AAK1: variants seen among roughly 807,000 people sequenced by gnomAD.
AAK1 encodes the protein AP2 associated kinase 1.
A neutral mutation model predicts 116.0 loss-of-function variants in AAK1; 37 were observed. The ratio of observed to expected loss-of-function variants is 0.32; its 90% CI spans 0.25 to 0.42. The LOEUF (loss-of-function observed/expected upper bound fraction) is 0.42. Ranked by LOEUF, AAK1 falls within the 10% of genes least tolerant of loss-of-function variation. The pLI is 1.00. For missense variants in AAK1, 919 were observed against 1,170.6 expected, an observed-to-expected ratio of 0.79 and a Z score of 3.14; for synonymous variants, 458 against 439.9, an observed-to-expected ratio of 1.04 and a Z score of -0.51.
rs947036577 is a variant in AAK1 at position 69,609,297 on chromosome 2, A to T, written c.163+33581T>A. On this transcript the variant is annotated intron_variant, in intron 2 of 21. Transcript: ENST00000409085. The stretch of plus-strand genomic sequence containing the variant: ...AGAATCACCTAAACCCAGGAGGGGG[A>T]GGTTGCAGTGAGCCAAGATTGTGCC... Among the ~76,000 whole-genome samples the T allele has an allele frequency of 3.3e-5, 5 of 152,246 alleles. No homozygotes were observed. The South Asian group carries it at 1.0e-3, about 32-fold the overall frequency.
chr2:69,598,318 T>C (rs1418452690), intron 2 of AAK1: 1 of 353,852 alleles, frequency 2.8e-6, no homozygotes, highest in African/African-American at 2.1e-5. Context: ...CCATATTTTA[T>C]ACCAGAAGTA....
At chr2:69,588,448 G>A (rs1486409761) in intron 2 of AAK1, among the ~76,000 whole-genome samples, 1 of 152,162 alleles carries the variant, frequency 6.6e-6, no homozygotes, top group Non-Finnish European at 1.5e-5. Flanking sequence ...TAAGAAAGAA[G>A]AGTAAACCCA....
At chr2:69,503,953 C>A (rs144988090) in intron 16 of AAK1, among the ~76,000 whole-genome samples, 3 of 149,638 alleles carry the variant, frequency 2.0e-5, no homozygotes, top group Non-Finnish European at 3.0e-5. Flanking sequence ...GAGCCAAGAT[C>A]GCACCATTGC....
intron 2 of AAK1, among the ~76,000 whole-genome samples, chr2:69,601,403 CA>C (rs1175319559): frequency 6.6e-6 from 1 of 152,314 alleles, no homozygotes; most frequent in East Asian, 1.9e-4. Flanking sequence ...GGTGATTCAG[CA>C]CAGAGGCAGT....
At chr2:69,498,454 C>T (rs1365505816) in intron 16 of AAK1, among the ~76,000 whole-genome samples, 4 of 152,144 alleles carry the variant, frequency 2.6e-5, no homozygotes, top group Admixed American at 2.0e-4. Flanking sequence ...GAGTTTCCAC[C>T]CCACCCACCT....
chr2:69,602,845 A>G (rs778837295), intron 2 of AAK1, among the ~76,000 whole-genome samples: 3 of 152,246 alleles, frequency 2.0e-5, no homozygotes, highest in Non-Finnish European at 4.4e-5. Context: ...AAGCAACAGA[A>G]AAATATGAAA....
chr2:69,635,894 C>T (rs1675422124), intron 2 of AAK1, among the ~76,000 whole-genome samples: 1 of 152,146 alleles, frequency 6.6e-6, no homozygotes, highest in Non-Finnish European at 1.5e-5. Flanking sequence ...ATATATTTAA[C>T]ACCTAGACGT....
At chr2:69,477,089 C>T (rs1674883645) in intron 20 of AAK1, 99 bp from the exon 21 acceptor site, 1 of 669,956 alleles carries the variant, frequency 1.5e-6, no homozygotes, top group Non-Finnish European at 2.4e-6. Context: ...CTGTACAGCC[C>T]TGTTATTTTC....
At chr2:69,579,830 A>G (rs1672469114) in intron 2 of AAK1, among the ~76,000 whole-genome samples, 1 of 152,174 alleles carries the variant, frequency 6.6e-6, no homozygotes, top group Non-Finnish European at 1.5e-5. Flanking sequence ...AATTACATTC[A>G]TAATATTGAC....
intron 17 of AAK1, among the ~76,000 whole-genome samples, chr2:69,484,695 C>T (rs932114993): frequency 7.9e-5 from 12 of 151,456 alleles, no homozygotes; most frequent in Admixed American, 2.0e-4. Context: ...ACCAACATGG[C>T]GAAACCCCGC....
At chr2:69,574,182 G>A (rs1007463738) in intron 2 of AAK1, among the ~76,000 whole-genome samples, 1 of 151,404 alleles carries the variant, frequency 6.6e-6, no homozygotes, top group Non-Finnish European at 1.5e-5. Context: ...AGACAAGCCT[G>A]GCCAACAGTG....
At chr2:69,541,429 G>A (rs555051789) in intron 5 of AAK1, among the ~76,000 whole-genome samples, 13 of 151,870 alleles carry the variant, frequency 8.6e-5, no homozygotes, top group Middle Eastern at 6.8e-3. Flanking sequence ...ACGTGGTTTC[G>A]CCATGTTGGC....
chr2:69,503,739 T>G (rs746606039), intron 16 of AAK1, among the ~76,000 whole-genome samples: 11 of 152,204 alleles, frequency 7.2e-5, no homozygotes, highest in Non-Finnish European at 1.5e-4. Flanking sequence ...CAGGCTGGTC[T>G]CAAACTCTTG....
At position 69,466,057 on chromosome 2, in the gene AAK1, C is replaced by T. The variant is rs186994615; in HGVS notation, c.*9812G>A. The T allele has an allele frequency of 2.0e-4, 258 of 1,290,920 alleles. 5 individuals are homozygous for T. The Admixed American group carries it at 5.8e-3, about 29-fold the overall frequency. The allele number at this position is 1,290,920 out of a possible 1,614,324, so 80.0% of individuals were successfully genotyped here. A position where few individuals can be genotyped will look rare whatever the true frequency, so the allele number is the denominator to read the frequency against. On this transcript the variant is annotated 3_prime_UTR_variant, in exon 22 of 22. Coordinates refer to ENST00000409085, the MANE Select transcript of AAK1 (RefSeq NM_014911.5). ...ATACTGCTCTTGGAGACAAATGGGGCTTTGGAGAAAATGTCCATGTCATCA... is the reference window on the plus strand; with the variant it reads ...ATACTGCTCTTGGAGACAAATGGGGTTTTGGAGAAAATGTCCATGTCATCA...
intron 2 of AAK1, among the ~76,000 whole-genome samples, chr2:69,571,759 A>C (rs1043706337): frequency 1.3e-5 from 2 of 152,240 alleles, no homozygotes; most frequent in Non-Finnish European, 2.9e-5. Flanking sequence ...AAAAATGGTC[A>C]AATACCTATT....
At chr2:69,563,625 C>CA (rs946344985) in intron 2 of AAK1, among the ~76,000 whole-genome samples, 3 of 152,108 alleles carry the variant, frequency 2.0e-5, no homozygotes, top group Non-Finnish European at 4.4e-5. Flanking sequence ...TGGAGGATAC[C>CA]AAATGAAGAA....
At chr2:69,617,805 T>C (rs1028163189) in intron 2 of AAK1, among the ~76,000 whole-genome samples, 5 of 152,206 alleles carry the variant, frequency 3.3e-5, no homozygotes, top group African/African-American at 1.2e-4. Flanking sequence ...AGAGGCCACA[T>C]TTAATGGAGA....
chr2:69,633,406 T>C (rs1033329343), intron 2 of AAK1, among the ~76,000 whole-genome samples: 4 of 151,204 alleles, frequency 2.6e-5, no homozygotes, highest in Non-Finnish European at 3.0e-5. Context: ...ATCGAGACCA[T>C]CCTGGTCAAC....
chr2:69,599,888 T>C (rs1328083380), intron 2 of AAK1, among the ~76,000 whole-genome samples: 1 of 151,790 alleles, frequency 6.6e-6, no homozygotes, highest in African/African-American at 2.4e-5. Flanking sequence ...ATCAGTCCTC[T>C]CACCTCAGCC....
Sources: gnomAD v4.1 joint callset for allele counts (sites outside exome capture counted in the v4.1 genomes callset) on GRCh38, gnomAD v4.1.1 for gene constraint, MANE v1.5 for transcripts, NCBI Gene and HGNC (gene_info 2026-07-23, HGNC 2026-07-21) for gene names.